The following PATJ variants were observed in gnomAD, a reference collection of about 807,000 sequenced individuals.
The protein encoded by PATJ is PATJ crumbs cell polarity complex component.
A neutral mutation model predicts 224.9 loss-of-function variants in PATJ; 190 were observed. The observed-to-expected ratio is 0.84, with a 90% confidence interval of 0.75 to 0.95. The LOEUF is 0.95. Among genes scored for constraint, PATJ ranks in the 40% least tolerant of loss-of-function variants. PATJ has a pLI of 0.00. For missense variants in PATJ, 2,121 were observed against 2,270.3 expected, an observed-to-expected ratio of 0.93 and a Z score of 1.34; for synonymous variants, 769 against 820.3, an observed-to-expected ratio of 0.94 and a Z score of 1.07.
chr1:61,782,929 G>A (rs1647646066), intron 7 of PATJ, among the ~76,000 whole-genome samples: 1 of 152,226 alleles, frequency 6.6e-6, no homozygotes, highest in Non-Finnish European at 1.5e-5. Context: ...ATACCTCGTT[G>A]TCTTCAGAAC....
intron 14 of PATJ, among the ~76,000 whole-genome samples, chr1:61,821,444 T>G (rs986583280): frequency 6.6e-6 from 1 of 152,224 alleles, no homozygotes; most frequent in Admixed American, 6.5e-5. Flanking sequence ...CACTTAATTT[T>G]CAGGAAATTA....
chr1:61,881,609 G>A (rs1003588483), intron 21 of PATJ, among the ~76,000 whole-genome samples: 1 of 151,692 alleles, frequency 6.6e-6, no homozygotes, highest in Admixed American at 6.6e-5. Flanking sequence ...ACGGGATTTT[G>A]CCATGTTGTC....
At chr1:61,794,212 T>TC (rs1306075641) in intron 9 of PATJ, among the ~76,000 whole-genome samples, 4 of 151,768 alleles carry the variant, frequency 2.6e-5, no homozygotes, top group African/African-American at 9.7e-5. Flanking sequence ...TTTTTTTTTT[T>TC]CTTTAAGAGA....
chr1:61,771,391 A>G (rs1646600246), intron 5 of PATJ, 40 bp from the exon 6 acceptor site: 2 of 1,336,364 alleles, frequency 1.5e-6, no homozygotes, highest in East Asian at 4.8e-5. Context: ...AAATCAGGTT[A>G]TTAGATCACT....
intron 41 of PATJ, among the ~76,000 whole-genome samples, chr1:62,139,446 C>T (rs1315271487): frequency 2.7e-5 from 4 of 146,666 alleles, no homozygotes; most frequent in Non-Finnish European, 4.5e-5. Flanking sequence ...TCTCATTAGA[C>T]TCTTTGCCTT....
chr1:62,114,109 G>T lies in PATJ; in HGVS notation c.4518G>T (p.Arg1506Ser), dbSNP rs867970683. 2 of 1,614,180 alleles carry T rather than the reference G, an allele frequency of 1.2e-6. No individual in the cohort carries two copies. The highest frequency in any genetic ancestry group is 3.3e-5 in the Admixed American group (2 of 60,014). ...SSHEEAITALRQTPQKVRLVV... is the reference protein window; with the variant it reads ...SSHEEAITALSQTPQKVRLVV... ...ACGAAGAAGCCATCACAGCCCTGAGGCAGACCCCCCAGAAGGTGCGGCTGG... is the reference window on the plus strand; with the variant it reads ...ACGAAGAAGCCATCACAGCCCTGAGTCAGACCCCCCAGAAGGTGCGGCTGG... The change falls in exon 35 of 44, where the codon AGG becomes AGT. Residue 1506 changes from arginine (R) to serine (S), a missense_variant. Transcript: ENST00000642238.
intron 22 of PATJ, among the ~76,000 whole-genome samples, chr1:61,885,390 A>G (rs1668671688): frequency 6.6e-6 from 1 of 152,250 alleles, no homozygotes. Flanking sequence ...ACACTTCTCA[A>G]AAGAAGACAT....
intron 28 of PATJ, among the ~76,000 whole-genome samples, chr1:61,992,307 G>C (rs969358239): frequency 6.6e-6 from 1 of 151,918 alleles, no homozygotes; most frequent in South Asian, 2.1e-4. Flanking sequence ...TAGTAGAGAT[G>C]GGGTTTCTCC....
At position 61,954,326 on chromosome 1, in the gene PATJ, A is replaced by G. The variant is rs149233230; in HGVS notation, c.3670+26497A>G. Among the ~76,000 whole-genome samples the G allele has an allele frequency of 5.9e-5, 9 of 152,324 alleles. No individual in the cohort carries two copies. The East Asian group carries it at 1.5e-3, about 26-fold the overall frequency. ...TTTTTGGCATATTTTACAAAAAGTA[A>G]TATGTAGAATTATAAATAAAGGATG... On this transcript the variant is annotated intron_variant, in intron 27 of 43. Transcript: ENST00000642238.
chr1:61,867,636 C>A (rs993591289), intron 20 of PATJ, among the ~76,000 whole-genome samples: 1 of 150,972 alleles, frequency 6.6e-6, no homozygotes, highest in African/African-American at 2.4e-5. Context: ...TATAGGCTCC[C>A]CAAACCAGCA....
At chr1:61,942,408 TA>T (rs887845918) in intron 27 of PATJ, among the ~76,000 whole-genome samples, 1 of 152,174 alleles carries the variant, frequency 6.6e-6, no homozygotes, top group African/African-American at 2.4e-5. Flanking sequence ...TATCATTAGT[TA>T]TTAGGGAAAT....
At chr1:61,812,803 T>C (rs935272267) in intron 14 of PATJ, among the ~76,000 whole-genome samples, 4 of 151,840 alleles carry the variant, frequency 2.6e-5, no homozygotes, top group Admixed American at 2.6e-4. Context: ...GAGCCAAGAT[T>C]GTGCCACTGG....
At chr1:61,856,774 G>A (rs918735554) in intron 18 of PATJ, among the ~76,000 whole-genome samples, 1 of 152,070 alleles carries the variant, frequency 6.6e-6, no homozygotes, top group Non-Finnish European at 1.5e-5. Flanking sequence ...TGTATTTTTA[G>A]TAGAGATGGG....
In PATJ at chr1:62,117,195, A is replaced by G. The variant is rs374945847; in HGVS notation, c.4867A>G (p.Arg1623Gly). The part of the protein sequence containing the change: ...RLRAGSWTSA[R>G]TTSQNSQGSQ... ...CCGAGCTGGTTCCTGGACCTCCGCA[A>G]GGACGACATCACAGAACAGTCAGGT... The change falls in exon 37 of 44, where the codon AGG (arginine) becomes GGG (glycine). Residue 1623 changes from arginine to glycine, a missense_variant. Coordinates refer to ENST00000642238, the MANE Select transcript of PATJ (RefSeq NM_001350145.3). The G allele has an allele frequency of 4.9e-5, 79 of 1,614,176 alleles. No individual in the cohort carries two copies. The highest frequency in any genetic ancestry group is 6.7e-5 in the Admixed American group (4 of 60,016).
chr1:61,926,424 CT>C (rs1211285770), intron 26 of PATJ, among the ~76,000 whole-genome samples: 7 of 152,128 alleles, frequency 4.6e-5, no homozygotes, highest in African/African-American at 1.7e-4. Flanking sequence ...GAATTCATCT[CT>C]TAATATTAGT....
chr1:61,750,436 T>G (rs1180834825), intron 1 of PATJ, among the ~76,000 whole-genome samples: 1 of 24,212 alleles, frequency 4.1e-5, no homozygotes, highest in Non-Finnish European at 1.0e-4. Context: ...TTTCTGGAGC[T>G]TTTTTTTTTT....
intron 33 of PATJ, among the ~76,000 whole-genome samples, chr1:62,095,594 G>A (rs1488981254): frequency 6.6e-6 from 1 of 152,184 alleles, no homozygotes; most frequent in African/African-American, 2.4e-5. Context: ...TTGTGGCAAG[G>A]ACTGCCTTTG....
rs1159100097 is a variant in PATJ, at chr1:61,769,300, T to C, written c.402T>C (p.Tyr134=). Residue 134 remains tyrosine, a synonymous_variant, in exon 5 of 44, where the codon TAT becomes TAC. Coordinates refer to ENST00000642238, the MANE Select transcript of PATJ (RefSeq NM_001350145.3). Reference sequence around the variant, plus strand: ...TTCATTAGGGCCGGCAAATTGAATATATAGATATAGAACGGCCTTCAACTG... The same window carrying C: ...TTCATTAGGGCCGGCAAATTGAATACATAGATATAGAACGGCCTTCAACTG... ...QQMAQGRQIE[Y]IDIERPSTGG... 6.2e-7 allele frequency: 1 copy of C among 1,610,482 alleles called. No homozygotes were observed. The highest frequency in any genetic ancestry group is 1.1e-5 in the South Asian group (1 of 89,982).
At chr1:61,890,641 C>T (rs995036277) in intron 22 of PATJ, among the ~76,000 whole-genome samples, 7 of 151,882 alleles carry the variant, frequency 4.6e-5, no homozygotes, top group African/African-American at 1.5e-4. Context: ...GGATCACAGG[C>T]ACCTGCCACC....
Sources: allele counts gnomAD v4.1 joint callset (sites outside exome capture counted in the v4.1 genomes callset), GRCh38; gene constraint gnomAD v4.1.1; transcripts MANE v1.5; gene names NCBI Gene and HGNC (gene_info 2026-07-23, HGNC 2026-07-21).